Variants in CRHR1 observed in about 807,000 individuals in gnomAD.
The protein encoded by CRHR1 is corticotropin-releasing hormone receptor 1.
A neutral mutation model predicts 56.0 loss-of-function variants in CRHR1; 28 were observed. That is an observed-to-expected ratio of 0.50 (90% CI 0.37 to 0.69). The LOEUF is 0.69. Ranked by LOEUF, CRHR1 falls within the 30% of genes least tolerant of loss-of-function variation. The pLI is 0.00. For missense variants in CRHR1, 376 were observed against 548.0 expected, an observed-to-expected ratio of 0.69 and a Z score of 3.13; for synonymous variants, 195 against 216.5, an observed-to-expected ratio of 0.90 and a Z score of 0.87.
intron 11 of CRHR1, 34 bp downstream of exon 11, chr17:45,833,883 T>C: frequency 6.2e-7 from 1 of 1,612,224 alleles, no homozygotes; most frequent in Non-Finnish European, 8.5e-7. Flanking sequence ...AGCACCTCCT[T>C]GGGTGGGGAT....
At chr17:45,830,987 G>T (rs2062296039) in intron 8 of CRHR1, 47 bp downstream of exon 8, 1 of 1,590,538 alleles carries the variant, frequency 6.3e-7, no homozygotes, top group African/African-American at 1.3e-5. Flanking sequence ...TAGGCTCCCA[G>T]CCCAGCTTGG....
chr17:45,821,233 C>G (rs1253529808), intron 3 of CRHR1, 122 bp from the exon 4 acceptor site: 2 of 855,370 alleles, frequency 2.3e-6, no homozygotes. Context: ...ACTACACAAC[C>G]CCCAGCCAGC....
rs559587321 is a variant in CRHR1 at position 45,811,024 on chromosome 17, T to C, written c.121+3927T>C. 3.3e-5 allele frequency among the ~76,000 whole-genome samples: 5 copies of C among 152,292 alleles called. No homozygotes were observed. In the East Asian group the frequency reaches 9.7e-4, roughly 29 times the overall value. ...GTCCCCCTCCTGGGTTTAAGCCAAA[T>C]AGGGGGAAGGGCTTCCCAGCCTCAG... is the stretch of plus-strand genomic sequence containing the variant. On this transcript the variant is annotated intron_variant, in intron 2 of 12. Transcript: ENST00000314537.
chr17:45,830,373 C>A (rs1400926757), intron 6 of CRHR1, 44 bp from the exon 7 acceptor site: 1 of 1,586,704 alleles, frequency 6.3e-7, no homozygotes, highest in Admixed American at 1.7e-5. Context: ...TTTGGTGCCT[C>A]CCCTGCCCCC....
chr17:45,810,794 C>T (rs2061807991), intron 2 of CRHR1, among the ~76,000 whole-genome samples: 1 of 152,252 alleles, frequency 6.6e-6, no homozygotes, highest in Non-Finnish European at 1.5e-5. Flanking sequence ...CAGCTTTCTT[C>T]TCTGCCCAGC....
In CRHR1 at chr17:45,784,633, C is replaced by T; in HGVS notation, c.33+56C>T. On this transcript the variant is annotated intron_variant, in intron 1 of 12. Coordinates refer to ENST00000314537, the MANE Select transcript of CRHR1 (RefSeq NM_004382.5). This position sits in a 1 kb window ranked among gnomAD's most constrained non-coding sequence, Gnocchi z 4.2. ...TGGCGCCCCCGGCCCCTGGCGGACG[C>T]GGGACGGGGCTGGGCTGTGGGTGTG... 1.3e-6 allele frequency: 2 copies of T among 1,513,308 alleles called. No homozygotes were observed. The highest frequency in any genetic ancestry group is 2.6e-5 in the East Asian group (1 of 37,872). 93.7% of individuals were successfully genotyped at this position (1,513,308 alleles called of 1,614,324 possible). A position where few individuals can be genotyped will look rare whatever the true frequency, so the allele number is the denominator to read the frequency against.
chr17:45,812,798 G>C (rs1417119646), intron 2 of CRHR1, among the ~76,000 whole-genome samples: 1 of 151,944 alleles, frequency 6.6e-6, no homozygotes, highest in Non-Finnish European at 1.5e-5. Flanking sequence ...TGGCCCACTT[G>C]GCCTCCCACC....
At chr17:45,834,443 G>C (rs376779043) in intron 12 of CRHR1, among the ~76,000 whole-genome samples, 181 bp from the exon 13 acceptor site, 18 of 152,322 alleles carry the variant, frequency 1.2e-4, no homozygotes, top group African/African-American at 4.1e-4. Flanking sequence ...TGAGAAACCT[G>C]TTCCGACAAA....
intron 3 of CRHR1, 80 bp from the exon 4 acceptor site, chr17:45,821,275 C>A: frequency 7.9e-7 from 1 of 1,262,082 alleles, no homozygotes; most frequent in South Asian, 1.2e-5. Context: ...ACAGATCCAT[C>A]TACGCATCCA....
In CRHR1 at chr17:45,833,204, C is replaced by T. The variant is rs1454944588; in HGVS notation, c.837C>T (p.Val279=). Residue 279 remains valine (V), a synonymous_variant, in exon 9 of 13, where the codon GTC becomes GTT. Coordinates refer to ENST00000314537, the MANE Select transcript of CRHR1 (RefSeq NM_004382.5). Reference sequence around the variant, plus strand: ...TCTACCAGGGCCCCATGATCCTGGTCCTGCTGGTAAGAACCTGGGTAGGGG... The same window carrying T: ...TCTACCAGGGCCCCATGATCCTGGTTCTGCTGGTAAGAACCTGGGTAGGGG... The part of the protein sequence containing the change: ...DYIYQGPMIL[V]LLINFIFLFN... 3 of 1,614,044 alleles carry T rather than the reference C, an allele frequency of 1.9e-6. No individual in the cohort carries two copies. Among genetic ancestry groups the T allele is most frequent in the Middle Eastern group, 1.6e-4 (1 of 6,062 alleles).
chr17:45,805,398 GCCTACAC>G (rs2061701277), intron 1 of CRHR1, among the ~76,000 whole-genome samples: 1 of 152,108 alleles, frequency 6.6e-6, no homozygotes, highest in African/African-American at 2.4e-5. Context: ...CCTGCTTCTA[GCCTACAC>G]CCTAGAAGTC....
rs757111332 is a variant in CRHR1 at position 45,833,450 on chromosome 17, A to C, written c.844-2A>C. On this transcript the variant is annotated splice_acceptor_variant, in intron 9 of 12. Transcript: ENST00000314537. LOFTEE classifies it high-confidence loss of function. ...CGGCCCGCTGGTGTGCTCAAATTGCAGATCAATTTCATCTTCCTTTTCAAC... is the reference window on the plus strand; with the variant it reads ...CGGCCCGCTGGTGTGCTCAAATTGCCGATCAATTTCATCTTCCTTTTCAAC... The C allele has an allele frequency of 6.2e-7, 1 of 1,613,898 alleles. No individual in the cohort carries two copies. Among genetic ancestry groups the C allele is most frequent in the South Asian group, 1.1e-5 (1 of 91,076 alleles).
intron 1 of CRHR1, among the ~76,000 whole-genome samples, chr17:45,786,280 C>T (rs980908991): frequency 6.6e-6 from 1 of 151,866 alleles, no homozygotes; most frequent in African/African-American, 2.4e-5. Flanking sequence ...GGGGTGTTTG[C>T]CCTTTATGCC....
Position 45,834,724 on chromosome 17 carries a change from G to A in CRHR1, c.1208G>A (p.Arg403His), listed in dbSNP as rs375447132. The change falls in exon 13 of 13, where the codon CGT (arginine) becomes CAT (histidine). Residue 403 changes from arginine (R) to histidine (H), a missense_variant. Physicochemically the swap from Arg to His is conservative, Grantham distance 29. Transcript: ENST00000314537. ...RAMSIPTSPT[R>H]VSFHSIKQST... The stretch of plus-strand genomic sequence containing the variant: ...ATGTCCATCCCCACCTCCCCAACCC[G>A]TGTCAGCTTTCACAGCATCAAGCAG... 8.1e-6 allele frequency: 13 copies of A among 1,613,644 alleles called. No individual in the cohort carries two copies. Among genetic ancestry groups the A allele is most frequent in the African/African-American group, 5.3e-5 (4 of 74,904 alleles).
At chr17:45,827,248 A>C (rs972248622) in intron 4 of CRHR1, 2 of 152,282 alleles carry the variant, frequency 1.3e-5, no homozygotes, top group African/African-American at 4.8e-5. Flanking sequence ...AGGGCCCGGT[A>C]CGGCCTGACT....
intron 3 of CRHR1, 143 bp downstream of exon 3, chr17:45,816,725 C>G (rs1339308768): frequency 7.6e-7 from 1 of 1,314,180 alleles, no homozygotes; most frequent in African/African-American, 1.5e-5. Flanking sequence ...AAGGTCAGCG[C>G]TGTATTCTCC....
intron 2 of CRHR1, among the ~76,000 whole-genome samples, chr17:45,812,089 C>A (rs1004091713): frequency 2.0e-5 from 3 of 152,112 alleles, no homozygotes; most frequent in African/African-American, 7.2e-5. Flanking sequence ...TTGCATATAA[C>A]CTATGCACAT....
intron 2 of CRHR1, among the ~76,000 whole-genome samples, chr17:45,815,311 CA>C (rs2061903733): frequency 6.6e-6 from 1 of 152,200 alleles, no homozygotes; most frequent in Non-Finnish European, 1.5e-5. Context: ...GGGGCAGCCT[CA>C]GGGGGGTGCC....
chr17:45,799,040 C>A (rs145116381), intron 1 of CRHR1, among the ~76,000 whole-genome samples: 1 of 152,178 alleles, frequency 6.6e-6, no homozygotes, highest in Non-Finnish European at 1.5e-5. Context: ...AGGCCCGAGG[C>A]GGGATGGGGA....
Sources: allele counts gnomAD v4.1 joint callset (sites outside exome capture counted in the v4.1 genomes callset), GRCh38; gene constraint gnomAD v4.1.1; non-coding constraint Gnocchi (gnomAD v3.1); transcripts MANE v1.5; gene names NCBI Gene and HGNC (gene_info 2026-07-23, HGNC 2026-07-21).